CHRNA6: variants seen among roughly 807,000 people sequenced by gnomAD.
The protein encoded by CHRNA6 is neuronal acetylcholine receptor subunit alpha-6.
CHRNA6 carries 31 observed loss-of-function variants against 40.9 expected under a neutral mutation model. That is an observed-to-expected ratio of 0.76 (90% CI 0.57 to 1.02). CHRNA6 has a LOEUF of 1.02. Among genes scored for constraint, CHRNA6 ranks in the 50% least tolerant of loss-of-function variants. CHRNA6 has a pLI of 0.00. For synonymous variants in CHRNA6, 222 were observed against 221.3 expected (o/e 1.00, Z -0.03); for missense variants, 546 against 596.6 (o/e 0.92, Z 0.88).
At chr8:42,767,131 C>A (rs979196642) in intron 1 of CHRNA6, among the ~76,000 whole-genome samples, 6 of 152,116 alleles carry the variant, frequency 3.9e-5, no homozygotes, top group Non-Finnish European at 8.8e-5. Flanking sequence ...CCACGCCCAG[C>A]TAATTTTTTA....
chr8:42,755,871 A>G lies in CHRNA6; in HGVS notation c.1328T>C (p.Met443Thr), dbSNP rs572202252. The change falls in exon 5 of 6, where the codon ATG becomes ACG. Residue 443 changes from methionine (M) to threonine (T), a missense_variant. Physicochemically the swap from Met to Thr is moderately conservative, Grantham distance 81. This residue lies in a region of CHRNA6 where 65 missense variants were observed against 83.8 expected (regional missense o/e 0.78). Transcript: ENST00000276410. ...INSVQFIAEN[M>T]KSHNETKEVE... ...CTCCTTGGTTTCATTGTGGCTCTTC[A>G]TGTTTTCTGCTATGAACTGAACACT... 2 of 1,613,996 alleles carry G rather than the reference A, an allele frequency of 1.2e-6. No homozygotes were observed. Among genetic ancestry groups the G allele is most frequent in the East Asian group, 4.5e-5 (2 of 44,890 alleles).
Position 42,760,230 on chromosome 8 carries a change from CAT to C in CHRNA6, c.220-1119_220-1118del, listed in dbSNP as rs199624663. Among the ~76,000 whole-genome samples, 854 of 152,214 alleles carry C rather than the reference CAT, an allele frequency of 5.6e-3. 6 individuals carry two copies. Among genetic ancestry groups the C allele is most frequent in the African/African-American group, 0.02 (812 of 41,508 alleles). On this transcript the variant is annotated intron_variant, in intron 2 of 5. Coordinates refer to ENST00000276410, the MANE Select transcript of CHRNA6 (RefSeq NM_004198.3). ...ACACATATGCACACACACGCACACT[CAT>C]ACACACGCACACTCATGCACACTCA... is the stretch of plus-strand genomic sequence containing the variant.
chr8:42,767,528 A>G (rs180885098), intron 1 of CHRNA6, among the ~76,000 whole-genome samples: 15 of 152,344 alleles, frequency 9.8e-5, no homozygotes, highest in African/African-American at 1.4e-4. Flanking sequence ...AAAAATGGAA[A>G]GGGATTGAAA....
At chr8:42,753,343 A>T (rs1197644571) in intron 5 of CHRNA6, 33 bp from the exon 6 acceptor site, 31 of 1,583,642 alleles carry the variant, frequency 2.0e-5, no homozygotes, top group Non-Finnish European at 2.7e-5. Flanking sequence ...GAGCTGTTTT[A>T]AAAAACCAAA....
At chr8:42,758,208 C>T (rs1407915487) in intron 3 of CHRNA6, among the ~76,000 whole-genome samples, 1 of 152,004 alleles carries the variant, frequency 6.6e-6, no homozygotes, top group East Asian at 1.9e-4. Flanking sequence ...TATTAGTTAG[C>T]TGGTTAAAGT....
chr8:42,755,725 A>C, intron 5 of CHRNA6, 121 bp downstream of exon 5: 7 of 1,168,088 alleles, frequency 6.0e-6, no homozygotes, highest in Non-Finnish European at 7.4e-6. Context: ...GCCAGGTCTC[A>C]GAGCAAGGCC....
At chr8:42,759,492 CCCG>C (rs1816863709) in intron 2 of CHRNA6, 1 of 203,524 alleles carries the variant, frequency 4.9e-6, no homozygotes, top group African/African-American at 2.3e-5. Flanking sequence ...GGATTCCAAC[CCCG>C]CACAGTGTTT....
At chr8:42,757,194 C>G (rs1816817167) in intron 3 of CHRNA6, among the ~76,000 whole-genome samples, 157 bp from the exon 4 acceptor site, 1 of 150,588 alleles carries the variant, frequency 6.6e-6, no homozygotes, top group Non-Finnish European at 1.5e-5. Context: ...AGTGAAACCC[C>G]GTCTCTACTA....
In CHRNA6 at chr8:42,756,301, C is replaced by T; in HGVS notation, c.898G>A (p.Val300Ile). ...AGCAGGTACTCACCCACCAGTGGGA[C>T]CACCAGAGATGTGGATGGGATGGTT... ...TETIPSTSLV[V>I]PLVGEYLLFT... is the part of the protein sequence containing the mutation. The change falls in exon 5 of 6, where the codon GTC (valine) becomes ATC (isoleucine). Residue 300 changes from valine to isoleucine, a missense_variant. Physicochemically the swap from Val to Ile is conservative, Grantham distance 29. Coordinates refer to ENST00000276410, the MANE Select transcript of CHRNA6 (RefSeq NM_004198.3). 2 of 1,614,172 alleles carry T rather than the reference C, an allele frequency of 1.2e-6. No individual in the cohort carries two copies. The highest frequency in any genetic ancestry group is 1.7e-6 in the Non-Finnish European group (2 of 1,180,030).
At position 42,759,512 on chromosome 8, in the gene CHRNA6, G is replaced by C. The variant is rs193040690; in HGVS notation, c.220-399C>G. ...CCAACCCCGCACAGTGTTTTTGCCT[G>C]TTCCCTAAACGCCTCCCATCCTCGA... On this transcript the variant is annotated intron_variant, in intron 2 of 5. Transcript: ENST00000276410. The C allele has an allele frequency of 7.5e-5, 13 of 173,504 alleles. No homozygotes were observed. The East Asian group carries it at 1.9e-3, about 26-fold the overall frequency. 10.7% of individuals were successfully genotyped at this position (173,504 alleles called of 1,614,324 possible).
At position 42,768,709 on chromosome 8, in the gene CHRNA6, G is replaced by A. The variant is rs1817005211; in HGVS notation, c.-279C>T. On this transcript the variant is annotated 5_prime_UTR_variant, in exon 1 of 6. Coordinates refer to ENST00000276410, the MANE Select transcript of CHRNA6 (RefSeq NM_004198.3). ...AGATGTCTCTTCATGCAAGAAAGGG[G>A]AAGAAAAGCAGAAAAGAAATGCTGG... The A allele has an allele frequency of 3.2e-6, 1 of 316,138 alleles. No homozygotes were observed. The highest frequency in any genetic ancestry group is 5.9e-6 in the Non-Finnish European group (1 of 170,028). 19.6% of individuals were successfully genotyped at this position (316,138 alleles called of 1,614,324 possible).
Position 42,768,432 on chromosome 8 carries a change from G to T in CHRNA6, c.-2C>A. 1 of 1,612,788 alleles carries T rather than the reference G, an allele frequency of 6.2e-7. No individual in the cohort carries two copies. Among genetic ancestry groups the T allele is most frequent in the Non-Finnish European group, 8.5e-7 (1 of 1,178,860 alleles). ...TCCCTGCCCCTTGCTGGTCAGCATG[G>T]TTAAAACACACTTGGATTCCTTTTT... On this transcript the variant is annotated 5_prime_UTR_variant, in exon 1 of 6. Coordinates refer to ENST00000276410, the MANE Select transcript of CHRNA6 (RefSeq NM_004198.3).
At chr8:42,757,732 CAA>C (rs34358773) in intron 3 of CHRNA6, among the ~76,000 whole-genome samples, 41,930 of 104,744 alleles carry the variant, frequency 0.4, 10,076 homozygotes, top group African/African-American at 0.72. Flanking sequence ...GACTCTGTCT[CAA>C]AAAAAAAAAA....
chr8:42,758,058 A>C lies in CHRNA6; in HGVS notation c.264+1011T>G, dbSNP rs187358411. The stretch of plus-strand genomic sequence containing the variant: ...TCAAAAAAAACCAAAAAACAAAAAA[A>C]AAAAGTAAAAATAATACATTCTTAT... On this transcript the variant is annotated intron_variant, in intron 3 of 5. Transcript: ENST00000276410. 5.9e-3 allele frequency among the ~76,000 whole-genome samples: 895 copies of C among 152,324 alleles called. 14 individuals are homozygous for C. Among genetic ancestry groups the C allele is most frequent in the African/African-American group, 0.02 (828 of 41,574 alleles).
chr8:42,756,110 CCTTGT>C lies in CHRNA6; in HGVS notation c.1084_1088del (p.Thr362GlyfsTer5). The C allele has an allele frequency of 6.2e-7, 1 of 1,614,250 alleles. No individual in the cohort carries two copies. The highest frequency in any genetic ancestry group is 1.1e-5 in the South Asian group (1 of 91,092). ...TGGGCACTGCATCAGAGCCTGTGCC[CCTTGT>C]CTTGTCCAGAGGCCACCTCATCAGC... On this transcript the variant is annotated frameshift_variant, in exon 5 of 6. Coordinates refer to ENST00000276410, the MANE Select transcript of CHRNA6 (RefSeq NM_004198.3). LOFTEE classifies it high-confidence loss of function.
Position 42,768,559 on chromosome 8 carries a change from G to T in CHRNA6, c.-129C>A. 1 of 649,174 alleles carries T rather than the reference G, an allele frequency of 1.5e-6. No homozygotes were observed. 40.2% of individuals were successfully genotyped at this position (649,174 alleles called of 1,614,324 possible). ...ACTGCAATCCGTGTGTGTCTTCTCAGAAATCAAAACATCCCCGGGACTTCA... is the reference window on the plus strand; with the variant it reads ...ACTGCAATCCGTGTGTGTCTTCTCATAAATCAAAACATCCCCGGGACTTCA... On this transcript the variant is annotated 5_prime_UTR_variant, in exon 1 of 6. The change creates a new upstream start codon in the 5' untranslated region. Coordinates refer to ENST00000276410, the MANE Select transcript of CHRNA6 (RefSeq NM_004198.3).
chr8:42,758,474 C>T (rs1816844973), intron 3 of CHRNA6, among the ~76,000 whole-genome samples: 1 of 152,094 alleles, frequency 6.6e-6, no homozygotes, highest in African/African-American at 2.4e-5. Flanking sequence ...ATTCTCCTGC[C>T]TCAGCCTCCC....
chr8:42,768,735 GGCAGAC>G lies in CHRNA6; in HGVS notation c.-311_-306del. 3.8e-6 allele frequency: 1 copy of G among 265,060 alleles called. No individual in the cohort carries two copies. The highest frequency in any genetic ancestry group is 7.0e-5 in the East Asian group (1 of 14,364). The allele number at this position is 265,060 out of a possible 1,614,324, so 16.4% of individuals were successfully genotyped here. A position where few individuals can be genotyped will look rare whatever the true frequency, so the allele number is the denominator to read the frequency against. On this transcript the variant is annotated 5_prime_UTR_variant, in exon 1 of 6. Transcript: ENST00000276410. ...AAGAAAAGCAGAAAAGAAATGCTGG[GGCAGAC>G]AGGACCCCGGGAGGATGAACACCTG... is the stretch of plus-strand genomic sequence containing the variant.
rs372469952 is a variant in CHRNA6 at position 42,756,604 on chromosome 8, C to A, written c.595G>T (p.Asp199Tyr). Residue 199 changes from aspartate (D) to tyrosine (Y), a missense_variant, in exon 5 of 6, where the codon GAT becomes TAT. Transcript: ENST00000276410. ...LIIGSKVDMN[D>Y]FWENSEWEII... is the part of the protein sequence containing the mutation. ...TCCCATTCACTGTTTTCCCAAAAAT[C>A]ATTCATATCCACTTTTGATCCAATG... is the stretch of plus-strand genomic sequence containing the variant. 2 of 1,614,018 alleles carry A rather than the reference C, an allele frequency of 1.2e-6. No individual in the cohort carries two copies. The highest frequency in any genetic ancestry group is 2.7e-5 in the African/African-American group (2 of 74,934).
Sources: allele counts gnomAD v4.1 joint callset (sites outside exome capture counted in the v4.1 genomes callset), GRCh38; gene constraint gnomAD v4.1.1; regional missense constraint gnomAD v4.1.1; transcripts MANE v1.5; gene names NCBI Gene and HGNC (gene_info 2026-07-23, HGNC 2026-07-21).